PLEKHA8: variants seen among roughly 807,000 people sequenced by gnomAD.
PLEKHA8 encodes the protein pleckstrin homology domain-containing family A member 8.
PLEKHA8 carries 36 observed loss-of-function variants against 68.2 expected under a neutral mutation model. That is an observed-to-expected ratio of 0.53 (90% CI 0.40 to 0.70). PLEKHA8 has a LOEUF of 0.70. Among genes scored for constraint, PLEKHA8 ranks in the 30% least tolerant of loss-of-function variants. The probability of loss-of-function intolerance (pLI) is 0.00; values close to 1 mark genes in which losing one functional copy is unlikely to be tolerated. For missense variants in PLEKHA8, 505 were observed against 615.4 expected (o/e 0.82, Z 1.90); for synonymous variants, 211 against 216.1 (o/e 0.98, Z 0.20).
intron 7 of PLEKHA8, among the ~76,000 whole-genome samples, chr7:30,053,142 A>G (rs1792558435): frequency 6.6e-6 from 1 of 152,208 alleles, no homozygotes; most frequent in Non-Finnish European, 1.5e-5. Flanking sequence ...TCAACCCTGT[A>G]TCTTAAAAGT....
At chr7:30,092,868 G>A (rs113215411), downstream of PLEKHA8, among the ~76,000 whole-genome samples, 1 of 152,168 alleles carries the variant, frequency 6.6e-6, no homozygotes, top group African/African-American at 2.4e-5. Flanking sequence ...ATAGAGATAC[G>A]ACATTTAGTC....
chr7:30,112,040 A>G (rs962557576), intron 13 of PLEKHA8, among the ~76,000 whole-genome samples: 1 of 152,262 alleles, frequency 6.6e-6, no homozygotes, highest in Non-Finnish European at 1.5e-5. Context: ...ACAGAATTTT[A>G]TAGCCACAAC....
At chr7:30,096,051 A>C (rs1352372726) in intron 13 of PLEKHA8, among the ~76,000 whole-genome samples, 2 of 152,052 alleles carry the variant, frequency 1.3e-5, no homozygotes, top group Non-Finnish European at 2.9e-5. Context: ...GTTTTTTCCA[A>C]TTTTGTGAAG....
chr7:30,054,259 G>A lies in PLEKHA8; in HGVS notation c.797-450G>A, dbSNP rs112851773. On this transcript the variant is annotated intron_variant, in intron 7 of 13. Transcript: ENST00000449726. ...CAACAAAGTTTTCACCACTTTGCAC[G>A]TGTCCACAAATGTCTGCAAAAGTGC... 2.9e-4 allele frequency among the ~76,000 whole-genome samples: 44 copies of A among 152,276 alleles called. 1 individual carries two copies. Among genetic ancestry groups the A allele is most frequent in the African/African-American group, 8.4e-4 (35 of 41,562 alleles).
intron 13 of PLEKHA8, among the ~76,000 whole-genome samples, chr7:30,112,394 A>G (rs1796302499): frequency 6.6e-6 from 1 of 151,934 alleles, no homozygotes. Flanking sequence ...AAAAAAAAAA[A>G]CCTTAAAAAT....
At chr7:30,089,508 C>T (rs978337701), downstream of PLEKHA8, among the ~76,000 whole-genome samples, 2 of 152,194 alleles carry the variant, frequency 1.3e-5, no homozygotes, top group African/African-American at 2.4e-5. Context: ...ATAGGGGAAG[C>T]GAAATAGATG....
At chr7:30,055,822 A>C (rs957654729) in intron 9 of PLEKHA8, among the ~76,000 whole-genome samples, 24 of 151,870 alleles carry the variant, frequency 1.6e-4, no homozygotes, top group Admixed American at 9.2e-4. Flanking sequence ...ATGCCCGGCT[A>C]ATTTTTGTAT....
intron 13 of PLEKHA8, among the ~76,000 whole-genome samples, chr7:30,106,040 T>C (rs909844979): frequency 3.9e-5 from 6 of 152,134 alleles, no homozygotes; most frequent in Non-Finnish European, 5.9e-5. Context: ...TTTTTCACCT[T>C]TAAGTCTTTA....
intron 13 of PLEKHA8, among the ~76,000 whole-genome samples, chr7:30,127,587 A>G (rs1382648069): frequency 6.6e-6 from 1 of 152,220 alleles, no homozygotes; most frequent in Non-Finnish European, 1.5e-5. Context: ...AGACTGAAAT[A>G]GACCGAAAGG....
At chr7:30,043,435 T>G (rs1162397872) in intron 1 of PLEKHA8, among the ~76,000 whole-genome samples, 1 of 152,100 alleles carries the variant, frequency 6.6e-6, no homozygotes, top group Admixed American at 6.5e-5. Flanking sequence ...GGGAAGGAAG[T>G]CCTCCATATA....
At chr7:30,074,697 A>C (rs1483538529) in intron 13 of PLEKHA8, among the ~76,000 whole-genome samples, 1 of 151,526 alleles carries the variant, frequency 6.6e-6, no homozygotes, top group Non-Finnish European at 1.5e-5. Flanking sequence ...CACTAATTGA[A>C]TTTTGTCCTT....
intron 13 of PLEKHA8, among the ~76,000 whole-genome samples, chr7:30,120,480 A>G (rs766492229): frequency 2.0e-5 from 3 of 152,234 alleles, no homozygotes; most frequent in South Asian, 2.1e-4. Context: ...CAATATGCCT[A>G]TGATTGGCCA....
intron 13 of PLEKHA8, chr7:30,116,115 CGT>C (rs1796533446): frequency 6.7e-6 from 1 of 149,954 alleles, no homozygotes; most frequent in Non-Finnish European, 1.5e-5. Flanking sequence ...CATACATACA[CGT>C]ATACATGTGT....
intron 9 of PLEKHA8, among the ~76,000 whole-genome samples, chr7:30,057,405 A>G (rs1348458225): frequency 6.6e-6 from 1 of 150,614 alleles, no homozygotes; most frequent in African/African-American, 2.4e-5. Flanking sequence ...ATATACCACA[A>G]TTATTTATTC....
chr7:30,081,198 T>A lies in PLEKHA8; in HGVS notation c.*2411T>A, dbSNP rs1397705862. ...CCCAGATCAGACAGAATAGCTTGAA[T>A]AAGTTACATTTTCCAATTACCCTTT... On this transcript the variant is annotated 3_prime_UTR_variant, in exon 14 of 14. Transcript: ENST00000449726. 1.0e-6 allele frequency: 1 copy of A among 985,276 alleles called. No individual in the cohort carries two copies. Among genetic ancestry groups the A allele is most frequent in the African/African-American group, 1.7e-5 (1 of 57,236 alleles). The allele number at this position is 985,276 out of a possible 1,614,324, so 61.0% of individuals were successfully genotyped here.
At chr7:30,090,018 A>C (rs1795350139) in intron 12 of PLEKHA8, 1 of 799,210 alleles carries the variant, frequency 1.3e-6, no homozygotes, top group Non-Finnish European at 1.9e-6. Flanking sequence ...AGGAGTATCG[A>C]GATATTCTGA....
chr7:30,052,070 TTGAGGAAAGTA>T (rs1180502175), intron 6 of PLEKHA8, among the ~76,000 whole-genome samples: 1 of 151,416 alleles, frequency 6.6e-6, no homozygotes, highest in African/African-American at 2.4e-5. Context: ...CAGGGAGAAG[TTGAGGAAAGTA>T]AAGTGTGCAA....
intron 1 of PLEKHA8, among the ~76,000 whole-genome samples, chr7:30,029,172 G>T (rs915572702): frequency 6.6e-5 from 10 of 152,210 alleles, no homozygotes; most frequent in Admixed American, 3.9e-4. Flanking sequence ...TACTCCCTTG[G>T]CTCGCAGCTA....
chr7:30,098,284 TGAG>T (rs1364291480), intron 13 of PLEKHA8, among the ~76,000 whole-genome samples: 1 of 152,248 alleles, frequency 6.6e-6, no homozygotes, highest in Admixed American at 6.5e-5. Context: ...GGGACCCACT[TGAG>T]GAGGCAGTCT....
Sources: gnomAD v4.1 joint callset for allele counts (sites outside exome capture counted in the v4.1 genomes callset) on GRCh38, gnomAD v4.1.1 for gene constraint, MANE v1.5 for transcripts, NCBI Gene and HGNC (gene_info 2026-07-23, HGNC 2026-07-21) for gene names.